The following LPP variants were observed in gnomAD, a reference collection of about 807,000 sequenced individuals.
LPP encodes the protein LIM domain containing preferred translocation partner in lipoma.
Under a neutral mutation model 60.4 loss-of-function variants are expected in LPP, and 38 were observed. The ratio of observed to expected loss-of-function variants is 0.63; its 90% confidence interval spans 0.49 to 0.83. The LOEUF is 0.83. Ranked by LOEUF, LPP falls within the 40% of genes least tolerant of loss-of-function variation. The probability of loss-of-function intolerance (pLI) is 0.00; values close to 1 mark genes in which losing one functional copy is unlikely to be tolerated. For missense variants in LPP, 902 were observed against 783.6 expected, an observed-to-expected ratio of 1.15 and a Z score of -1.80; for synonymous variants, 328 against 290.8, an observed-to-expected ratio of 1.13 and a Z score of -1.30.
At chr3:188,535,997 C>G (rs1028921968) in intron 6 of LPP, among the ~76,000 whole-genome samples, 12 of 129,354 alleles carry the variant, frequency 9.3e-5, no homozygotes, top group African/African-American at 3.1e-4. Context: ...ATAATTATTA[C>G]ATGAATTTTT....
intron 1 of LPP, among the ~76,000 whole-genome samples, chr3:188,190,334 C>A (rs898050813): frequency 2.0e-5 from 3 of 152,148 alleles, no homozygotes; most frequent in African/African-American, 7.2e-5. Flanking sequence ...GCTGGGATTA[C>A]AGGCCTGAGC....
chr3:188,184,494 A>C lies in LPP; in HGVS notation c.-190+30242A>C, dbSNP rs183882699. Among the ~76,000 whole-genome samples the C allele has an allele frequency of 1.8e-3, 279 of 152,202 alleles. 3 individuals are homozygous for C. Among genetic ancestry groups the C allele is most frequent in the African/African-American group, 6.5e-3 (271 of 41,516 alleles). On this transcript the variant is annotated intron_variant, in intron 1 of 11. Transcript: ENST00000617246. ...AATGAACCAGGAAATTTGTTTTTTA[A>C]ATATTGGATTTGAACTGGGCTTTGA...
At chr3:188,563,485 T>TGTGTGTGTGTGTGTGTGG (rs61021696) in intron 6 of LPP, among the ~76,000 whole-genome samples, 1 of 131,362 alleles carries the variant, frequency 7.6e-6, no homozygotes, top group African/African-American at 2.6e-5. Flanking sequence ...TGTGTGTGTG[T>TGTGTGTGTGTGTGTGTGG]GGTATATTAT....
At chr3:188,718,097 C>A (rs916411430) in intron 8 of LPP, among the ~76,000 whole-genome samples, 3 of 152,222 alleles carry the variant, frequency 2.0e-5, no homozygotes, top group African/African-American at 7.2e-5. Context: ...GCTGGGATTA[C>A]AGGCGTGAGC....
At chr3:188,534,066 A>G (rs1579718594) in intron 6 of LPP, among the ~76,000 whole-genome samples, 1 of 152,336 alleles carries the variant, frequency 6.6e-6, no homozygotes, top group South Asian at 2.1e-4. Flanking sequence ...CTTTTGCCCA[A>G]AAATATTCAT....
intron 3 of LPP, among the ~76,000 whole-genome samples, chr3:188,362,998 T>A (rs543803049): frequency 1.3e-5 from 2 of 151,730 alleles, no homozygotes; most frequent in African/African-American, 4.8e-5. Context: ...AACTGTTTTT[T>A]AAATTATTAT....
In LPP at chr3:188,159,418, G is replaced by A. The variant is rs146758786; in HGVS notation, c.-190+5166G>A. Among the ~76,000 whole-genome samples, 119 of 152,256 alleles carry A rather than the reference G, an allele frequency of 7.8e-4. 1 individual carries two copies. Among genetic ancestry groups the A allele is most frequent in the Middle Eastern group, 6.8e-3 (2 of 294 alleles). On this transcript the variant is annotated intron_variant, in intron 1 of 11. Coordinates refer to ENST00000617246, the MANE Select transcript of LPP (RefSeq NM_001375462.1). ...CCCCAGGATGTTCAGTAGCTGTTTG[G>A]TGAATGAACAATGTTTATGGACACA...
Position 188,446,809 on chromosome 3 carries a change from CT to C in LPP, c.194-37779del, listed in dbSNP as rs539699355. Among the ~76,000 whole-genome samples, 43 of 152,270 alleles carry C rather than the reference CT, an allele frequency of 2.8e-4. 1 individual carries two copies. Among genetic ancestry groups the C allele is most frequent in the African/African-American group, 1.0e-3 (42 of 41,564 alleles). On this transcript the variant is annotated intron_variant, in intron 4 of 11. Transcript: ENST00000617246. The stretch of plus-strand genomic sequence containing the variant: ...GGACCGTGATTGTTTTCATGGCTTT[CT>C]TTTGCCTTTTCTCCATGTCCTTTTT...
At chr3:188,477,861 A>G (rs1803646952) in intron 4 of LPP, among the ~76,000 whole-genome samples, 1 of 152,186 alleles carries the variant, frequency 6.6e-6, no homozygotes, top group Non-Finnish European at 1.5e-5. Flanking sequence ...ACATTATTAA[A>G]TAAATGATAA....
chr3:188,721,066 T>C (rs1391541032), intron 8 of LPP, among the ~76,000 whole-genome samples: 2 of 152,190 alleles, frequency 1.3e-5, no homozygotes, highest in Non-Finnish European at 2.9e-5. Flanking sequence ...GTGAGCATCT[T>C]CATAATTTTT....
At chr3:188,590,420 A>G (rs1838430110) in intron 6 of LPP, among the ~76,000 whole-genome samples, 1 of 152,082 alleles carries the variant, frequency 6.6e-6, no homozygotes. Flanking sequence ...TAAAAAATAC[A>G]AAAATTAGCC....
chr3:188,590,203 T>C (rs1239286500), intron 6 of LPP, among the ~76,000 whole-genome samples: 1 of 152,212 alleles, frequency 6.6e-6, no homozygotes, highest in Non-Finnish European at 1.5e-5. Flanking sequence ...GCTTTTTGTT[T>C]ACATAGAGAA....
At chr3:188,863,501 G>C (rs912514177) in intron 9 of LPP, among the ~76,000 whole-genome samples, 1 of 152,092 alleles carries the variant, frequency 6.6e-6, no homozygotes, top group African/African-American at 2.4e-5. Context: ...ATGAGAGTCT[G>C]GACTAAGGGA....
At chr3:188,240,557 A>G (rs896955752) in intron 2 of LPP, among the ~76,000 whole-genome samples, 6 of 152,138 alleles carry the variant, frequency 3.9e-5, no homozygotes, top group African/African-American at 1.4e-4. Context: ...AGTAGTTGAG[A>G]GCTTTATTCA....
At chr3:188,797,439 C>G (rs1208183543) in intron 9 of LPP, among the ~76,000 whole-genome samples, 1 of 152,192 alleles carries the variant, frequency 6.6e-6, no homozygotes, top group Non-Finnish European at 1.5e-5. Context: ...TCCTACAGAT[C>G]AAAATCTCAT....
At chr3:188,294,835 A>G (rs533412271) in intron 2 of LPP, among the ~76,000 whole-genome samples, 7 of 152,342 alleles carry the variant, frequency 4.6e-5, no homozygotes, top group Non-Finnish European at 1.0e-4. Flanking sequence ...AGCTTTGATA[A>G]TGAGCCCCAG....
chr3:188,165,485 A>G (rs16863057), intron 1 of LPP, among the ~76,000 whole-genome samples: 7,511 of 152,246 alleles, frequency 0.049, 274 homozygotes, highest in African/African-American at 0.099. Context: ...AATTAGAGTC[A>G]TGAAGGTGGA....
chr3:188,327,252 T>C (rs142134490), intron 2 of LPP, among the ~76,000 whole-genome samples: 1 of 152,328 alleles, frequency 6.6e-6, no homozygotes, highest in African/African-American at 2.4e-5. Flanking sequence ...GCAACTGGGA[T>C]AGTTTATGAG....
intron 2 of LPP, among the ~76,000 whole-genome samples, chr3:188,257,428 G>T (rs1298140914): frequency 6.6e-6 from 1 of 152,186 alleles, no homozygotes; most frequent in African/African-American, 2.4e-5. Flanking sequence ...AGACTGAATA[G>T]AGAAAAGACA....
Sources: allele counts gnomAD v4.1 joint callset (sites outside exome capture counted in the v4.1 genomes callset), GRCh38; gene constraint gnomAD v4.1.1; transcripts MANE v1.5; gene names NCBI Gene and HGNC (gene_info 2026-07-23, HGNC 2026-07-21).